CMC1: variants seen among roughly 807,000 people sequenced by gnomAD.
CMC1 encodes the protein COX assembly mitochondrial protein homolog.
Under a neutral mutation model 14.1 loss-of-function variants are expected in CMC1, and 14 were observed. The observed-to-expected ratio is 0.99, with a 90% CI of 0.66 to 1.55. The LOEUF (loss-of-function observed/expected upper bound fraction) is 1.55, where lower values mean the gene tolerates loss of function less well. Ranked by LOEUF, CMC1 falls within the 40% of genes most tolerant of loss-of-function variation. CMC1 has a pLI of 0.00. For synonymous variants in CMC1, 50 were observed against 38.4 expected (o/e 1.30, Z -1.12); for missense variants, 127 against 123.8 (o/e 1.03, Z -0.12).
Position 28,323,065 on chromosome 3 carries a change from C to T in CMC1, c.*3436C>T, listed in dbSNP as rs1454002680. 1 of 150,956 alleles carries T rather than the reference C, an allele frequency of 6.6e-6. No homozygotes were observed. Among genetic ancestry groups the T allele is most frequent in the Non-Finnish European group, 1.5e-5 (1 of 67,320 alleles). The allele number at this position is 150,956 out of a possible 1,614,324, so 9.4% of individuals were successfully genotyped here. ...TCGACAATATCAATACAGCCCAAACCCTGATTTCTATGATTAAAAATAATA... is the reference window on the plus strand; with the variant it reads ...TCGACAATATCAATACAGCCCAAACTCTGATTTCTATGATTAAAAATAATA... On this transcript the variant is annotated 3_prime_UTR_variant, in exon 4 of 4. Transcript: ENST00000466830.
At position 28,294,267 on chromosome 3, in the gene CMC1, A is replaced by G. The variant is rs370074973; in HGVS notation, c.110-22066A>G. ...GGAGAACCTTACTCAGTGGTTATGT[A>G]TACAAAATTTACCCCCCCTTGATAT... On this transcript the variant is annotated intron_variant, in intron 2 of 3. Transcript: ENST00000466830. Among the ~76,000 whole-genome samples, 37 of 152,320 alleles carry G rather than the reference A, an allele frequency of 2.4e-4. No individual in the cohort carries two copies. The South Asian group carries it at 7.3e-3, about 30-fold the overall frequency.
At chr3:28,281,239 G>T (rs879622950) in intron 2 of CMC1, among the ~76,000 whole-genome samples, 12 of 152,160 alleles carry the variant, frequency 7.9e-5, no homozygotes, top group Admixed American at 6.6e-4. Context: ...TTTAAGTATG[G>T]CAGGGGAGAT....
intron 2 of CMC1, among the ~76,000 whole-genome samples, chr3:28,276,175 C>T (rs1282934896): frequency 2.0e-5 from 3 of 152,106 alleles, no homozygotes; most frequent in South Asian, 2.1e-4. Context: ...GATTCACTTG[C>T]CCTTTTCATT....
chr3:28,279,081 A>G (rs1004793958), intron 2 of CMC1, among the ~76,000 whole-genome samples: 1 of 152,232 alleles, frequency 6.6e-6, no homozygotes, highest in African/African-American at 2.4e-5. Flanking sequence ...GAAAACTACT[A>G]TAACCTATGA....
In CMC1 at chr3:28,241,633, G is replaced by C. The variant is rs1698513039; in HGVS notation, c.-161G>C. 1.5e-5 allele frequency: 18 copies of C among 1,232,180 alleles called. No individual in the cohort carries two copies. The highest frequency in any genetic ancestry group is 1.7e-5 in the Non-Finnish European group (17 of 987,754). The allele number at this position is 1,232,180 out of a possible 1,614,324, so 76.3% of individuals were successfully genotyped here. On this transcript the variant is annotated 5_prime_UTR_variant, in exon 1 of 4. Transcript: ENST00000466830. ...GCGGAAGTAGGAGCCTGGGAAGGAA[G>C]AGGGAACGGGTCCTGGCGGTGCTTT...
intron 2 of CMC1, among the ~76,000 whole-genome samples, chr3:28,295,291 C>T (rs1013571038): frequency 7.9e-5 from 12 of 152,202 alleles, no homozygotes; most frequent in Admixed American, 6.5e-4. Flanking sequence ...CTACCTTACC[C>T]ATGTTGTGTT....
intron 1 of CMC1, among the ~76,000 whole-genome samples, chr3:28,255,722 TACACACACACACAC>T (rs372487968): frequency 2.1e-5 from 3 of 144,268 alleles, no homozygotes; most frequent in African/African-American, 7.7e-5. Context: ...TACATGTACA[TACACACACACACAC>T]ACACACACAC....
chr3:28,314,766 C>T (rs562583531), intron 2 of CMC1, among the ~76,000 whole-genome samples: 1 of 151,846 alleles, frequency 6.6e-6, no homozygotes, highest in South Asian at 2.1e-4. Flanking sequence ...GCAAGGCCCC[C>T]CTAATGAATT....
chr3:28,263,847 TTTTTG>T (rs769836168), intron 2 of CMC1, among the ~76,000 whole-genome samples: 19 of 152,076 alleles, frequency 1.2e-4, no homozygotes, highest in Non-Finnish European at 2.1e-4. Flanking sequence ...GAGTCTGGGG[TTTTTG>T]TTTTGTTTTA....
intron 3 of CMC1, chr3:28,319,279 A>G: frequency 1.8e-6 from 1 of 558,458 alleles, no homozygotes; most frequent in Non-Finnish European, 3.4e-6. Flanking sequence ...CCAGGACAGG[A>G]GCTGTGCTTC....
intron 2 of CMC1, among the ~76,000 whole-genome samples, chr3:28,311,133 T>A (rs1702620025): frequency 6.6e-6 from 1 of 152,196 alleles, no homozygotes; most frequent in African/African-American, 2.4e-5. Context: ...ACTAATGGTT[T>A]TATGGATCTT....
intron 2 of CMC1, among the ~76,000 whole-genome samples, chr3:28,312,883 G>A (rs181599218): frequency 6.6e-6 from 1 of 151,854 alleles, no homozygotes; most frequent in Non-Finnish European, 1.5e-5. Flanking sequence ...TTGAGACGGA[G>A]TCTCACTCTG....
intron 1 of CMC1, among the ~76,000 whole-genome samples, chr3:28,244,952 G>GTTT (rs397973045): frequency 1.4e-5 from 2 of 139,876 alleles, no homozygotes; most frequent in Non-Finnish European, 1.5e-5. Flanking sequence ...ATGGAAGCCA[G>GTTT]TTTTTTTTTT....
chr3:28,284,069 T>G (rs1577044450), intron 2 of CMC1, among the ~76,000 whole-genome samples: 1 of 152,340 alleles, frequency 6.6e-6, no homozygotes, highest in African/African-American at 2.4e-5. Flanking sequence ...TTAAGTGTAC[T>G]TTGTGATGCA....
intron 1 of CMC1, among the ~76,000 whole-genome samples, chr3:28,260,496 T>C (rs1036095657): frequency 1.8e-4 from 28 of 152,244 alleles, no homozygotes; most frequent in African/African-American, 6.5e-4. Flanking sequence ...GACCTTAGTC[T>C]GGCTAGTGGT....
intron 2 of CMC1, among the ~76,000 whole-genome samples, chr3:28,269,115 T>C (rs1700145209): frequency 6.6e-6 from 1 of 152,200 alleles, no homozygotes; most frequent in Non-Finnish European, 1.5e-5. Context: ...TTATCAGGGG[T>C]ATGTATGTAG....
At position 28,324,501 on chromosome 3, in the gene CMC1, A is replaced by T; in HGVS notation, c.*4872A>T. On this transcript the variant is annotated 3_prime_UTR_variant, in exon 4 of 4. Coordinates refer to ENST00000466830, the MANE Select transcript of CMC1 (RefSeq NM_182523.2). ...AATGTCAGTTTTCATTACATTTGTGATCATAAAATTCGATAACACTTCACC... is the reference window on the plus strand; with the variant it reads ...AATGTCAGTTTTCATTACATTTGTGTTCATAAAATTCGATAACACTTCACC... The T allele has an allele frequency of 2.9e-6, 4 of 1,395,710 alleles. No individual in the cohort carries two copies. The highest frequency in any genetic ancestry group is 3.8e-6 in the Non-Finnish European group (4 of 1,061,516). The allele number at this position is 1,395,710 out of a possible 1,614,324, so 86.5% of individuals were successfully genotyped here.
At chr3:28,309,821 C>CCACA (rs57499697) in intron 2 of CMC1, among the ~76,000 whole-genome samples, 7,918 of 131,684 alleles carry the variant, frequency 0.06, 376 homozygotes, top group Middle Eastern at 0.1. Flanking sequence ...CTGATATTTA[C>CCACA]CACACACACA....
At chr3:28,242,373 C>G (rs146576701) in intron 1 of CMC1, among the ~76,000 whole-genome samples, 1 of 152,204 alleles carries the variant, frequency 6.6e-6, no homozygotes, top group African/African-American at 2.4e-5. Context: ...CCTCGAATTC[C>G]CGTCCTTGTG....
Sources: allele counts gnomAD v4.1 joint callset (sites outside exome capture counted in the v4.1 genomes callset), GRCh38; gene constraint gnomAD v4.1.1; transcripts MANE v1.5; gene names NCBI Gene and HGNC (gene_info 2026-07-23, HGNC 2026-07-21).